Variants in CNOT1 observed in about 807,000 individuals in gnomAD.
The protein encoded by CNOT1 is CCR4-associated factor 1.
A neutral mutation model predicts 273.8 loss-of-function variants in CNOT1; 15 were observed. The ratio of observed to expected loss-of-function variants is 0.05; its 90% CI spans 0.04 to 0.08. CNOT1 has a LOEUF of 0.08. Among genes scored for constraint, CNOT1 ranks in the 10% least tolerant of loss-of-function variants. The pLI, the probability that CNOT1 is intolerant of heterozygous loss-of-function variation, is 1.00. For missense variants in CNOT1, 1,644 were observed against 2,912.2 expected (o/e 0.56, Z 10.02); for synonymous variants, 1,022 against 1,005.5 (o/e 1.02, Z -0.31).
chr16:58,545,486 A>T lies in CNOT1; in HGVS notation c.4012T>A (p.Ser1338Thr). Residue 1338 changes from serine (S) to threonine (T), a missense_variant, in exon 30 of 49, where the codon TCT (serine) becomes ACT (threonine). Ser to Thr is a moderately conservative substitution (Grantham distance 58, BLOSUM62 1). Around this residue, in one of 13 missense-constraint regions of CNOT1, gnomAD observed 52 missense variants for 50.2 expected, o/e 1.04. Transcript: ENST00000317147. ...GTGGTGTTGGTAGCTGGTGTAGTAG[A>T]AGTTGCTAAATGTCAAGTAATAAAA... ...ELPPITTTTT[S>T]TTPATNTTCT... 3.1e-6 allele frequency: 5 copies of T among 1,613,832 alleles called. No homozygotes were observed. Among genetic ancestry groups the T allele is most frequent in the Non-Finnish European group, 2.5e-6 (3 of 1,179,880 alleles).
chr16:58,565,725 T>A, intron 16 of CNOT1, among the ~76,000 whole-genome samples: 1 of 152,088 alleles, frequency 6.6e-6, no homozygotes. Flanking sequence ...GGCAGATCAC[T>A]TGAGGTCAGG....
At chr16:58,618,098 C>T (rs890555996) in intron 1 of CNOT1, among the ~76,000 whole-genome samples, 2 of 152,168 alleles carry the variant, frequency 1.3e-5, no homozygotes, top group African/African-American at 4.8e-5. Context: ...ATGCAGCTTA[C>T]ATAAAGTGGC....
chr16:58,553,309 T>C (rs766281737), intron 22 of CNOT1, among the ~76,000 whole-genome samples: 2 of 151,714 alleles, frequency 1.3e-5, no homozygotes, highest in Admixed American at 6.6e-5. Context: ...AAACCACACC[T>C]CAAAGGAATC....
intron 25 of CNOT1, among the ~76,000 whole-genome samples, chr16:58,548,096 A>G (rs890777083): frequency 2.6e-5 from 4 of 152,238 alleles, no homozygotes; most frequent in Non-Finnish European, 5.9e-5. Context: ...TAAGTCCTTA[A>G]AGGCAGCAAG....
intron 1 of CNOT1, among the ~76,000 whole-genome samples, chr16:58,605,666 T>C (rs1401857802): frequency 6.6e-6 from 1 of 152,116 alleles, no homozygotes; most frequent in Non-Finnish European, 1.5e-5. Flanking sequence ...AAGCAATAAA[T>C]TACCTCTTTA....
chr16:58,611,630 G>A (rs1487568915), intron 1 of CNOT1, among the ~76,000 whole-genome samples: 1 of 151,920 alleles, frequency 6.6e-6, no homozygotes, highest in Non-Finnish European at 1.5e-5. Context: ...AGACCAGCCT[G>A]GCCAACATGG....
intron 1 of CNOT1, chr16:58,624,540 C>T (rs2043485138): frequency 6.6e-6 from 1 of 152,172 alleles, no homozygotes; most frequent in Admixed American, 6.6e-5. Context: ...ACGGCTTACG[C>T]CTATAATCCC....
At chr16:58,523,596 G>A (rs1039259774) in intron 46 of CNOT1, 94 bp from the exon 47 acceptor site, 1 of 1,145,520 alleles carries the variant, frequency 8.7e-7, no homozygotes, top group African/African-American at 1.5e-5. Flanking sequence ...TCTGACAGAG[G>A]CTTTCAAATT....
Position 58,545,392 on chromosome 16 carries a change from C to T in CNOT1, c.4106G>A (p.Gly1369Asp). The T allele has an allele frequency of 6.2e-7, 1 of 1,613,968 alleles. No individual in the cohort carries two copies. The highest frequency in any genetic ancestry group is 8.5e-7 in the Non-Finnish European group (1 of 1,179,886). ...ATTCAGAGTAATGTGTGGTGCCAAG[C>T]CCGCAAGGGAATAGACATTGATGTC... ...YHDINVYSLAGLAPHITLNPT... is the reference protein window; with the variant it reads ...YHDINVYSLADLAPHITLNPT... Residue 1369 changes from glycine (G) to aspartate (D), a missense_variant, in exon 30 of 49, where the codon GGC becomes GAC. By Grantham distance (94) the Gly-to-Asp change is moderately conservative (BLOSUM62 -1). Transcript: ENST00000317147.
Position 58,555,765 on chromosome 16 carries a change from GATC to G in CNOT1, c.2604+16_2604+18del, listed in dbSNP as rs1291061032. ...GACTGGCCTAAACAATAAATAAGTA[GATC>G]ATCCTAGACACTCACCTCATCAACA... On this transcript the variant is annotated intron_variant, in intron 20 of 48. Coordinates refer to ENST00000317147, the MANE Select transcript of CNOT1 (RefSeq NM_016284.5). The G allele has an allele frequency of 6.2e-7, 1 of 1,613,050 alleles. No individual in the cohort carries two copies. Among genetic ancestry groups the G allele is most frequent in the South Asian group, 1.1e-5 (1 of 90,856 alleles).
At chr16:58,571,965 T>G (rs1050912836) in intron 16 of CNOT1, among the ~76,000 whole-genome samples, 9 of 151,192 alleles carry the variant, frequency 6.0e-5, no homozygotes, top group African/African-American at 2.2e-4. Flanking sequence ...GCAGACTCTG[T>G]CTCAGAAAAA....
intron 2 of CNOT1, among the ~76,000 whole-genome samples, chr16:58,591,012 C>G (rs1567429532): frequency 6.6e-6 from 1 of 152,138 alleles, no homozygotes; most frequent in East Asian, 1.9e-4. Context: ...GAAAGTAAAA[C>G]AGAGCTTGCT....
rs573689200 is a variant in CNOT1, at chr16:58,564,883, C to T, written c.1980-4521G>A. On this transcript the variant is annotated intron_variant, in intron 16 of 48. Coordinates refer to ENST00000317147, the MANE Select transcript of CNOT1 (RefSeq NM_016284.5). The stretch of plus-strand genomic sequence containing the variant: ...CCTGGGAGGCAGATGTTGCAGTGAG[C>T]GAAGATTGTGCCATTACACCCCAGC... 6.6e-5 allele frequency among the ~76,000 whole-genome samples: 10 copies of T among 151,908 alleles called. No homozygotes were observed. In the East Asian group the frequency reaches 7.8e-4, roughly 12 times the overall value.
chr16:58,573,002 A>C (rs1422214254), intron 16 of CNOT1, among the ~76,000 whole-genome samples: 1 of 151,756 alleles, frequency 6.6e-6, no homozygotes, highest in Non-Finnish European at 1.5e-5. Context: ...AAATGAAAAA[A>C]TATCACTGAA....
Position 58,547,729 on chromosome 16 carries a change from A to G in CNOT1, c.3523-47T>C. ...AAAGATATGAGAATAAGCTTATGAA[A>G]GAAAACTCAACTAAGTATTTGAGAA... On this transcript the variant is annotated intron_variant, in intron 25 of 48. Coordinates refer to ENST00000317147, the MANE Select transcript of CNOT1 (RefSeq NM_016284.5). This position sits in a 1 kb window ranked among gnomAD's most constrained non-coding sequence, Gnocchi z 4.0. The G allele has an allele frequency of 1.3e-6, 2 of 1,559,402 alleles. No homozygotes were observed. The highest frequency in any genetic ancestry group is 1.7e-6 in the Non-Finnish European group (2 of 1,148,362).
Position 58,543,754 on chromosome 16 carries a change from G to A in CNOT1, c.4287C>T (p.Ala1429=). ...TCEQIVRKDF[A]LDSEESRMRI... is the part of the protein sequence containing the mutation. Reference sequence around the variant, plus strand: ...GCATTCGAGATTCCTCCGAATCCAGGGCAAAATCCTTCCTGACTATTTGCT... The same window carrying A: ...GCATTCGAGATTCCTCCGAATCCAGAGCAAAATCCTTCCTGACTATTTGCT... Residue 1429 remains alanine (A), a synonymous_variant, in exon 31 of 49, where the codon GCC becomes GCT. Coordinates refer to ENST00000317147, the MANE Select transcript of CNOT1 (RefSeq NM_016284.5). 6 of 1,614,058 alleles carry A rather than the reference G, an allele frequency of 3.7e-6. No individual in the cohort carries two copies. Among genetic ancestry groups the A allele is most frequent in the Non-Finnish European group, 5.1e-6 (6 of 1,180,006 alleles).
chr16:58,539,891 T>C lies in CNOT1; in HGVS notation c.4869A>G (p.Leu1623=). ...DKCITELEQH[L]HAIPPTLAMN... is the part of the protein sequence containing the mutation. ...TGGCCAAAGTTGGTGGGATGGCATG[T>C]AGATGTTGCTCCAGTTCTGTAATAC... Residue 1623 remains leucine (L), a synonymous_variant, in exon 35 of 49, where the codon CTA becomes CTG. Coordinates refer to ENST00000317147, the MANE Select transcript of CNOT1 (RefSeq NM_016284.5). The C allele has an allele frequency of 1.9e-6, 3 of 1,614,238 alleles. No individual in the cohort carries two copies. The highest frequency in any genetic ancestry group is 2.5e-6 in the Non-Finnish European group (3 of 1,180,040).
intron 1 of CNOT1, among the ~76,000 whole-genome samples, chr16:58,627,256 A>C (rs2043622997): frequency 6.6e-6 from 1 of 151,870 alleles, no homozygotes; most frequent in African/African-American, 2.4e-5. Flanking sequence ...AAATACAAAA[A>C]TTAGCTGGGT....
At chr16:58,551,877 G>A (rs1597444336) in intron 22 of CNOT1, 58 bp from the exon 23 acceptor site, 13 of 1,591,820 alleles carry the variant, frequency 8.2e-6, no homozygotes, top group East Asian at 2.2e-5. Flanking sequence ...TGGATTATAC[G>A]TCCCTCTTTT....
Sources: gnomAD v4.1 joint callset for allele counts (sites outside exome capture counted in the v4.1 genomes callset) on GRCh38, gnomAD v4.1.1 for gene constraint, gnomAD v4.1.1 regional missense constraint, Gnocchi (gnomAD v3.1) non-coding constraint, MANE v1.5 for transcripts, NCBI Gene and HGNC (gene_info 2026-07-23, HGNC 2026-07-21) for gene names.